The following LRRC37A variants were observed in gnomAD, a reference collection of about 807,000 sequenced individuals.
LRRC37A encodes leucine rich repeat containing 37A.
A neutral mutation model predicts 35.4 loss-of-function variants in LRRC37A; 3 were observed. That is an observed-to-expected ratio of 0.08 (90% CI 0.04 to 0.22). The LOEUF (loss-of-function observed/expected upper bound fraction) is 0.22, where lower values mean the gene tolerates loss of function less well. Among genes scored for constraint, LRRC37A ranks in the 10% least tolerant of loss-of-function variants. The probability of loss-of-function intolerance (pLI) is 1.00; values close to 1 mark genes in which losing one functional copy is unlikely to be tolerated. For missense variants in LRRC37A, 67 were observed against 565.3 expected, an observed-to-expected ratio of 0.12 and a Z score of 8.94; for synonymous variants, 23 against 215.0, an observed-to-expected ratio of 0.11 and a Z score of 7.81.
chr17:46,275,488 C>T, the LRRC37A span: 1 of 669,234 alleles, frequency 1.5e-6, no homozygotes, highest in Admixed American at 2.3e-5. Flanking sequence ...ATGCGGATGC[C>T]AAAGTAAATA....
the LRRC37A span, among the ~76,000 whole-genome samples, chr17:46,280,892 A>G: frequency 3.3e-5 from 5 of 152,198 alleles, no homozygotes; most frequent in Admixed American, 3.3e-4. Context: ...ACACGCTTTT[A>G]AAAAATACCT....
At chr17:46,255,930 C>G in the LRRC37A span, among the ~76,000 whole-genome samples, 3 of 152,080 alleles carry the variant, frequency 2.0e-5, no homozygotes, top group Non-Finnish European at 4.4e-5. Flanking sequence ...CTGCCTCAGC[C>G]TCCCAAAGTG....
chr17:46,259,228 G>A, the LRRC37A span, among the ~76,000 whole-genome samples: 122,822 of 144,092 alleles, frequency 0.85, 53,102 homozygotes, highest in East Asian at 1. Context: ...GGACAATAAA[G>A]AAGATTCATG....
chr17:46,276,966 G>C, the LRRC37A span, among the ~76,000 whole-genome samples: 2 of 148,082 alleles, frequency 1.4e-5, no homozygotes, highest in African/African-American at 4.9e-5. Context: ...ACCATGCTCA[G>C]CTAATTTTTT....
the LRRC37A span, among the ~76,000 whole-genome samples, chr17:46,258,707 C>CTTTTTTTTTTTTTT: frequency 4.9e-5 from 4 of 81,106 alleles, no homozygotes; most frequent in Non-Finnish European, 7.0e-5. Context: ...GACTATTATT[C>CTTTTTTTTTTTTTT]TTTTTTTTTT....
the LRRC37A span, among the ~76,000 whole-genome samples, chr17:46,254,265 T>A: frequency 6.7e-6 from 1 of 149,956 alleles, no homozygotes; most frequent in East Asian, 1.9e-4. Flanking sequence ...ACATGAAGAA[T>A]TTTTGCTTTC....
the LRRC37A span, among the ~76,000 whole-genome samples, chr17:46,281,500 G>T: frequency 6.6e-6 from 1 of 152,000 alleles, no homozygotes; most frequent in Non-Finnish European, 1.5e-5. Flanking sequence ...AGTGATCACA[G>T]CTCACTGCAG....
the LRRC37A span, among the ~76,000 whole-genome samples, chr17:46,286,198 T>G: frequency 6.6e-6 from 1 of 152,266 alleles, no homozygotes; most frequent in Non-Finnish European, 1.5e-5. Context: ...TAAAATAGTT[T>G]TAGTATTGTG....
the LRRC37A span, among the ~76,000 whole-genome samples, chr17:46,276,509 A>G: frequency 6.6e-6 from 1 of 152,246 alleles, no homozygotes; most frequent in Non-Finnish European, 1.5e-5. Flanking sequence ...GACTAAAGAT[A>G]TCACAATCCG....
chr17:46,276,230 C>A, the LRRC37A span, among the ~76,000 whole-genome samples: 1 of 152,210 alleles, frequency 6.6e-6, no homozygotes, highest in Non-Finnish European at 1.5e-5. Context: ...TGTACAGTTA[C>A]CAGGACTAAG....
chr17:46,281,392 C>T, the LRRC37A span, among the ~76,000 whole-genome samples: 28 of 151,864 alleles, frequency 1.8e-4, no homozygotes, highest in African/African-American at 6.8e-4. Context: ...TTCTTTTATT[C>T]TTGTCTTTTT....
At chr17:46,285,059 G>C in the LRRC37A span, among the ~76,000 whole-genome samples, 1 of 152,016 alleles carries the variant, frequency 6.6e-6, no homozygotes, top group Non-Finnish European at 1.5e-5. Flanking sequence ...TGTAGAGATG[G>C]GGTCTCACTT....
At chr17:46,289,181 A>G (rs1327535473), upstream of LRRC37A, among the ~76,000 whole-genome samples, 2 of 152,224 alleles carry the variant, frequency 1.3e-5, no homozygotes, top group African/African-American at 4.8e-5. Context: ...TATGACCAAG[A>G]GGGTTTCTTT....
upstream of LRRC37A, among the ~76,000 whole-genome samples, chr17:46,291,292 T>A (rs2050059824): frequency 6.6e-6 from 1 of 152,040 alleles, no homozygotes; most frequent in Non-Finnish European, 1.5e-5. Flanking sequence ...GAGAGTAAAA[T>A]ATAAAAAAGA....
chr17:46,248,697 T>G, the LRRC37A span, among the ~76,000 whole-genome samples: 19,679 of 151,752 alleles, frequency 0.13, 1 homozygote, highest in Middle Eastern at 0.2. Context: ...TTTTTGTATT[T>G]TTAGTAGAGA....
chr17:46,280,649 T>C, the LRRC37A span, among the ~76,000 whole-genome samples: 15,752 of 143,768 alleles, frequency 0.11, no homozygotes, highest in Non-Finnish European at 0.17. Flanking sequence ...TCTTGGCTCA[T>C]TGCAGCCTCT....
intron 5 of LRRC37A, among the ~76,000 whole-genome samples, chr17:46,319,212 A>ATTTTTTTTTTTTT (rs1225879085): frequency 1.2e-3 from 2 of 1,640 alleles, no homozygotes; most frequent in Admixed American, 4.3e-3. Context: ...ATTGTGGTCA[A>ATTTTTTTTTTTTT]TTTTTTTTTT....
chr17:46,254,188 A>G, the LRRC37A span, among the ~76,000 whole-genome samples: 1,129 of 152,254 alleles, frequency 7.4e-3, 17 homozygotes, highest in African/African-American at 0.026. Context: ...AGACCATGCT[A>G]GAATGAGTCC....
At chr17:46,251,943 A>G in the LRRC37A span, among the ~76,000 whole-genome samples, 1 of 152,054 alleles carries the variant, frequency 6.6e-6, no homozygotes, top group Non-Finnish European at 1.5e-5. Context: ...GAGAGCCCAC[A>G]TATGTTGGAA....
Sources: allele counts gnomAD v4.1 joint callset (sites outside exome capture counted in the v4.1 genomes callset), GRCh38; gene constraint gnomAD v4.1.1; transcripts MANE v1.5; gene names NCBI Gene and HGNC (gene_info 2026-07-23, HGNC 2026-07-21).